Variants in PTPRD observed in about 807,000 individuals in gnomAD.
PTPRD encodes protein tyrosine phosphatase receptor type D.
A neutral mutation model predicts 214.5 loss-of-function variants in PTPRD; 34 were observed. The ratio of observed to expected loss-of-function variants is 0.16; its 90% CI spans 0.12 to 0.21. The LOEUF is 0.21. Ranked by LOEUF, PTPRD falls within the 10% of genes least tolerant of loss-of-function variation. The pLI is 1.00. For missense variants in PTPRD, 2,545 were observed against 2,398.7 expected (o/e 1.06, Z -1.27); for synonymous variants, 1,128 against 845.7 (o/e 1.33, Z -5.79).
intron 2 of PTPRD, among the ~76,000 whole-genome samples, chr9:10,557,977 G>C (rs1381926457): frequency 1.3e-5 from 2 of 152,148 alleles, no homozygotes; most frequent in Non-Finnish European, 2.9e-5. Context: ...CATGTGCTCT[G>C]TTGGAATCTT....
chr9:9,026,577 G>C (rs1009826409), intron 10 of PTPRD, among the ~76,000 whole-genome samples: 1 of 151,860 alleles, frequency 6.6e-6, no homozygotes, highest in Non-Finnish European at 1.5e-5. Flanking sequence ...TGTATGTTTT[G>C]TTGCTGCCTA....
intron 3 of PTPRD, among the ~76,000 whole-genome samples, chr9:10,072,101 A>T (rs1196908189): frequency 1.3e-5 from 2 of 151,988 alleles, no homozygotes; most frequent in Non-Finnish European, 2.9e-5. Context: ...TGCAAATTAC[A>T]TATCTAATAA....
intron 5 of PTPRD, among the ~76,000 whole-genome samples, chr9:9,827,643 C>A (rs1220672693): frequency 1.3e-5 from 2 of 152,058 alleles, no homozygotes; most frequent in Non-Finnish European, 2.9e-5. Context: ...CAACAAAAGC[C>A]AAAACTGATA....
At chr9:9,760,058 A>G (rs928702623) in intron 6 of PTPRD, among the ~76,000 whole-genome samples, 3 of 152,130 alleles carry the variant, frequency 2.0e-5, no homozygotes, top group Non-Finnish European at 2.9e-5. Context: ...GACATTCAAG[A>G]TAATGGATTT....
Position 8,377,058 on chromosome 9 carries a change from C to T in PTPRD, c.4387-332G>A, listed in dbSNP as rs549027611. On this transcript the variant is annotated intron_variant, in intron 37 of 45. Transcript: ENST00000381196. ...GAAAACAAATTTGTCCTGGGATAGA[C>T]GTTATGAATCACATCGGGAGGATGA... Among the ~76,000 whole-genome samples, 7 of 152,130 alleles carry T rather than the reference C, an allele frequency of 4.6e-5. 1 individual carries two copies. In the South Asian group the frequency reaches 1.0e-3, roughly 23 times the overall value.
intron 11 of PTPRD, among the ~76,000 whole-genome samples, chr9:8,981,150 A>T (rs2099310769): frequency 6.6e-6 from 1 of 152,032 alleles, no homozygotes; most frequent in African/African-American, 2.4e-5. Context: ...TTGTCACCAA[A>T]ATCAGTTTAT....
chr9:9,010,906 C>T (rs1189662256), intron 11 of PTPRD, among the ~76,000 whole-genome samples: 2 of 152,068 alleles, frequency 1.3e-5, no homozygotes, highest in Non-Finnish European at 2.9e-5. Flanking sequence ...TGCACAACAG[C>T]CACCAAGGGC....
intron 34 of PTPRD, among the ~76,000 whole-genome samples, chr9:8,443,126 C>A (rs1023752074): frequency 6.6e-6 from 1 of 152,172 alleles, no homozygotes. Context: ...GCCTGGACAA[C>A]AGAGCAAGAT....
At chr9:10,111,449 G>T (rs1194221230) in intron 3 of PTPRD, among the ~76,000 whole-genome samples, 1 of 151,044 alleles carries the variant, frequency 6.6e-6, no homozygotes, top group East Asian at 1.9e-4. Flanking sequence ...CGTTTTAGCC[G>T]GGATGGTCTC....
chr9:8,499,587 G>A lies in PTPRD; in HGVS notation c.2322+60C>T, dbSNP rs1397057631. The A allele has an allele frequency of 6.6e-6, 10 of 1,520,912 alleles. No homozygotes were observed. The East Asian group carries it at 1.4e-4, about 21-fold the overall frequency. 94.2% of individuals were successfully genotyped at this position (1,520,912 alleles called of 1,614,324 possible). On this transcript the variant is annotated intron_variant, in intron 25 of 45. Coordinates refer to ENST00000381196, the MANE Select transcript of PTPRD (RefSeq NM_002839.4). ...AAAACTAAAATAAGAGCAATTTCAG[G>A]ATATGAACTAAGATAAACTTATTAT...
At chr9:10,367,205 T>G (rs1357787229) in intron 2 of PTPRD, among the ~76,000 whole-genome samples, 1 of 152,156 alleles carries the variant, frequency 6.6e-6, no homozygotes, top group East Asian at 1.9e-4. Context: ...AAAATGTATT[T>G]AACTTGCAAG....
At chr9:10,035,788 G>A (rs2097169552) in intron 3 of PTPRD, among the ~76,000 whole-genome samples, 1 of 151,022 alleles carries the variant, frequency 6.6e-6, no homozygotes, top group South Asian at 2.1e-4. Flanking sequence ...TTCCTTATTA[G>A]TGGTTTCCTG....
At chr9:9,226,160 A>G (rs2099959339) in intron 9 of PTPRD, among the ~76,000 whole-genome samples, 1 of 151,928 alleles carries the variant, frequency 6.6e-6, no homozygotes, top group African/African-American at 2.4e-5. Context: ...GTGGGGGAAG[A>G]ATAGTGGTCA....
intron 11 of PTPRD, among the ~76,000 whole-genome samples, chr9:8,895,222 T>C (rs1302652785): frequency 2.0e-5 from 3 of 152,194 alleles, no homozygotes; most frequent in Non-Finnish European, 4.4e-5. Context: ...CCTTTTCTGC[T>C]TTTCAGACTT....
chr9:8,540,561 T>A (rs1014608553), intron 14 of PTPRD, among the ~76,000 whole-genome samples: 1 of 152,204 alleles, frequency 6.6e-6, no homozygotes, highest in African/African-American at 2.4e-5. Flanking sequence ...AGAGAAATGA[T>A]AAAGTCTGAT....
chr9:9,129,056 G>T (rs2099838495), intron 10 of PTPRD, among the ~76,000 whole-genome samples: 1 of 152,206 alleles, frequency 6.6e-6, no homozygotes, highest in South Asian at 2.1e-4. Flanking sequence ...TTTAGTGAGA[G>T]TACTGCTCTT....
At position 10,364,161 on chromosome 9, in the gene PTPRD, G is replaced by A. The variant is rs146405778; in HGVS notation, c.-599-23144C>T. On this transcript the variant is annotated intron_variant, in intron 2 of 45. Transcript: ENST00000381196. ...ACTACAGGCGCCCGCCACCATGCCC[G>A]GATAATTTTTTTTGTATTTTTAGTA... is the stretch of plus-strand genomic sequence containing the variant. Among the ~76,000 whole-genome samples, 320 of 151,524 alleles carry A rather than the reference G, an allele frequency of 2.1e-3. 1 individual carries two copies. The highest frequency in any genetic ancestry group is 7.0e-3 in the African/African-American group (289 of 41,246).
At chr9:9,352,629 G>T (rs1261199810) in intron 9 of PTPRD, among the ~76,000 whole-genome samples, 1 of 151,790 alleles carries the variant, frequency 6.6e-6, no homozygotes, top group East Asian at 1.9e-4. Flanking sequence ...ACTCAGAGAA[G>T]AAAAAGCAAA....
chr9:8,997,880 A>T (rs2099402942), intron 11 of PTPRD, among the ~76,000 whole-genome samples: 1 of 152,132 alleles, frequency 6.6e-6, no homozygotes, highest in Admixed American at 6.6e-5. Context: ...CTTATTGCTG[A>T]TATGGAGAAA....
Sources: gnomAD v4.1 joint callset for allele counts (sites outside exome capture counted in the v4.1 genomes callset) on GRCh38, gnomAD v4.1.1 for gene constraint, MANE v1.5 for transcripts, NCBI Gene and HGNC (gene_info 2026-07-23, HGNC 2026-07-21) for gene names.